Variants in PTPRD observed in about 807,000 individuals in gnomAD.
The protein encoded by PTPRD is protein tyrosine phosphatase receptor type D.
Under a neutral mutation model 214.5 loss-of-function variants are expected in PTPRD, and 34 were observed. The observed-to-expected ratio is 0.16, with a 90% confidence interval of 0.12 to 0.21. The LOEUF is 0.21. PTPRD is among the 10% of genes least tolerant of loss of function. The probability of loss-of-function intolerance (pLI) is 1.00; values close to 1 mark genes in which losing one functional copy is unlikely to be tolerated. For missense variants in PTPRD, 2,545 were observed against 2,398.7 expected, an observed-to-expected ratio of 1.06 and a Z score of -1.27; for synonymous variants, 1,128 against 845.7, an observed-to-expected ratio of 1.33 and a Z score of -5.79.
intron 8 of PTPRD, among the ~76,000 whole-genome samples, chr9:9,424,489 T>C (rs564316729): frequency 3.3e-5 from 5 of 152,278 alleles, no homozygotes; most frequent in Admixed American, 6.5e-5. Flanking sequence ...TGGGATGACA[T>C]GTAGAAGAAA....
chr9:10,335,278 C>T (rs2154438006), intron 3 of PTPRD, among the ~76,000 whole-genome samples: 1 of 151,824 alleles, frequency 6.6e-6, no homozygotes, highest in East Asian at 1.9e-4. Context: ...TAGAAACAGA[C>T]TCACATAAAC....
intron 2 of PTPRD, among the ~76,000 whole-genome samples, chr9:10,491,868 C>G (rs541807917): frequency 3.3e-5 from 5 of 152,074 alleles, no homozygotes; most frequent in Non-Finnish European, 7.4e-5. Context: ...CTCCTAGTCC[C>G]ACACCCCACA....
chr9:9,031,472 G>A (rs910639674), intron 10 of PTPRD, among the ~76,000 whole-genome samples: 16 of 151,982 alleles, frequency 1.1e-4, no homozygotes, highest in Admixed American at 7.2e-4. Context: ...ATTGAATACT[G>A]TAGTCAATTG....
chr9:9,036,263 T>C (rs1332920592), intron 10 of PTPRD, among the ~76,000 whole-genome samples: 1 of 148,654 alleles, frequency 6.7e-6, no homozygotes, highest in Non-Finnish European at 1.5e-5. Context: ...TTCCAGAACA[T>C]TTCCTAAACA....
intron 7 of PTPRD, among the ~76,000 whole-genome samples, chr9:9,707,394 T>C (rs1292323088): frequency 6.6e-6 from 1 of 152,206 alleles, no homozygotes; most frequent in Admixed American, 6.5e-5. Flanking sequence ...AGATGAGATA[T>C]ATTTCATTTG....
chr9:9,172,869 C>T (rs2099922316), intron 10 of PTPRD, among the ~76,000 whole-genome samples: 1 of 152,152 alleles, frequency 6.6e-6, no homozygotes. Flanking sequence ...CCCATTTATT[C>T]AGTTCTAACT....
At chr9:9,340,817 AT>A (rs1453801072) in intron 9 of PTPRD, among the ~76,000 whole-genome samples, 1 of 152,242 alleles carries the variant, frequency 6.6e-6, no homozygotes, top group Non-Finnish European at 1.5e-5. Flanking sequence ...TCATTGACAA[AT>A]AAATGATTTT....
At chr9:9,614,425 C>T (rs2094725721) in intron 7 of PTPRD, among the ~76,000 whole-genome samples, 1 of 152,094 alleles carries the variant, frequency 6.6e-6, no homozygotes, top group South Asian at 2.1e-4. Context: ...AATAAGCCCT[C>T]TCACAATATA....
chr9:9,366,421 C>T (rs575092558), intron 9 of PTPRD, among the ~76,000 whole-genome samples: 2 of 151,382 alleles, frequency 1.3e-5, no homozygotes, highest in African/African-American at 4.8e-5. Context: ...TTTTCATTTC[C>T]TGGAGGTAAA....
chr9:10,519,936 A>G (rs2051600608), intron 2 of PTPRD, among the ~76,000 whole-genome samples: 1 of 152,054 alleles, frequency 6.6e-6, no homozygotes, highest in South Asian at 2.1e-4. Context: ...CTGAGACACT[A>G]CAATATTAAC....
At chr9:10,493,066 G>C (rs180790589) in intron 2 of PTPRD, among the ~76,000 whole-genome samples, 95 of 152,200 alleles carry the variant, frequency 6.2e-4, no homozygotes, top group Non-Finnish European at 1.2e-3. Flanking sequence ...TGTTCAAGGA[G>C]AACTTCAAAC....
chr9:8,554,855 T>A (rs2083250341), intron 14 of PTPRD, among the ~76,000 whole-genome samples: 1 of 152,184 alleles, frequency 6.6e-6, no homozygotes, highest in Non-Finnish European at 1.5e-5. Flanking sequence ...ACGCTTTCTA[T>A]CATTTTTACG....
At chr9:9,455,184 A>T (rs551809880) in intron 8 of PTPRD, among the ~76,000 whole-genome samples, 1 of 151,796 alleles carries the variant, frequency 6.6e-6, no homozygotes, top group African/African-American at 2.4e-5. Flanking sequence ...TGCAGTTGAT[A>T]TTCTAAGTAA....
chr9:9,910,820 T>A (rs1227461538), intron 5 of PTPRD, among the ~76,000 whole-genome samples: 1 of 152,066 alleles, frequency 6.6e-6, no homozygotes, highest in East Asian at 1.9e-4. Flanking sequence ...CCTAATGGAC[T>A]GAATAATACT....
intron 9 of PTPRD, among the ~76,000 whole-genome samples, chr9:9,263,445 T>C (rs1021641985): frequency 6.6e-6 from 1 of 151,684 alleles, no homozygotes; most frequent in African/African-American, 2.4e-5. Context: ...GTCAATAGTG[T>C]AACATAACCA....
chr9:10,372,832 T>C (rs1055662142), intron 2 of PTPRD, among the ~76,000 whole-genome samples: 6 of 78,932 alleles, frequency 7.6e-5, no homozygotes, highest in Admixed American at 7.4e-4. Flanking sequence ...TATTTGTTTT[T>C]ATACATTATT....
chr9:10,562,491 C>A (rs960948896), intron 2 of PTPRD, among the ~76,000 whole-genome samples: 1 of 152,034 alleles, frequency 6.6e-6, no homozygotes, highest in Non-Finnish European at 1.5e-5. Context: ...CATTTTAGTT[C>A]ATGCATCTAT....
intron 34 of PTPRD, among the ~76,000 whole-genome samples, chr9:8,442,287 G>C (rs896148735): frequency 6.6e-6 from 1 of 151,822 alleles, no homozygotes; most frequent in African/African-American, 2.4e-5. Context: ...GCTACTGAAT[G>C]CTTCAAATGA....
At chr9:8,596,775 C>T (rs1004861974) in intron 14 of PTPRD, among the ~76,000 whole-genome samples, 3 of 152,010 alleles carry the variant, frequency 2.0e-5, no homozygotes, top group African/African-American at 7.2e-5. Context: ...CTAAGCTAGG[C>T]AACACAAAGC....
Sources: allele counts gnomAD v4.1 joint callset (sites outside exome capture counted in the v4.1 genomes callset), GRCh38; gene constraint gnomAD v4.1.1; transcripts MANE v1.5; gene names NCBI Gene and HGNC (gene_info 2026-07-23, HGNC 2026-07-21).